ATAD3B: variants seen among roughly 807,000 people sequenced by gnomAD.
ATAD3B encodes the protein ATPase family AAA domain containing 3B.
A neutral mutation model predicts 70.2 loss-of-function variants in ATAD3B; 59 were observed. That is an observed-to-expected ratio of 0.84 (90% confidence interval 0.68 to 1.04). ATAD3B has a LOEUF of 1.04. Among genes scored for constraint, ATAD3B ranks in the 50% least tolerant of loss-of-function variants. The pLI, the probability that ATAD3B is intolerant of heterozygous loss-of-function variation, is 0.00. For missense variants in ATAD3B, 961 were observed against 913.4 expected, an observed-to-expected ratio of 1.05 and a Z score of -0.67; for synonymous variants, 423 against 388.6, an observed-to-expected ratio of 1.09 and a Z score of -1.04.
the ATAD3B span, among the ~76,000 whole-genome samples, chr1:1,508,259 C>A: frequency 1.3e-5 from 2 of 151,324 alleles, no homozygotes; most frequent in East Asian, 3.9e-4. Flanking sequence ...GGTCCAGCTC[C>A]GGTCAGTGTC....
the ATAD3B span, chr1:1,503,667 T>C: frequency 1.2e-6 from 2 of 1,611,252 alleles, no homozygotes. Context: ...TCAAAGTGAG[T>C]GGGGCCGGTG....
chr1:1,501,859 T>G (rs1292730473), downstream of ATAD3B, among the ~76,000 whole-genome samples: 1 of 151,648 alleles, frequency 6.6e-6, no homozygotes, highest in Admixed American at 6.6e-5. Flanking sequence ...GGTAAGTTTT[T>G]TTTTGTTTTT....
downstream of ATAD3B, among the ~76,000 whole-genome samples, chr1:1,501,534 C>T (rs373499566): frequency 1.3e-5 from 2 of 152,048 alleles, no homozygotes; most frequent in South Asian, 2.1e-4. Context: ...GAATTACAGG[C>T]GTGAGCCACC....
rs374902720 is a variant in ATAD3B at position 1,482,118 on chromosome 1, G to T, written c.515-20G>T. 31 of 1,601,258 alleles carry T rather than the reference G, an allele frequency of 1.9e-5. No individual in the cohort carries two copies. In the South Asian group the frequency reaches 2.5e-4, roughly 13 times the overall value. ...GTGCTGCACTGCATGGTGCTGAGCT[G>T]CCCTGCCTCTCTGGGGCAGCCACCG... On this transcript the variant is annotated intron_variant, in intron 5 of 15. Coordinates refer to ENST00000673477, the MANE Select transcript of ATAD3B (RefSeq NM_031921.6).
chr1:1,472,867 C>T (rs1224252094), intron 1 of ATAD3B, among the ~76,000 whole-genome samples: 1 of 151,846 alleles, frequency 6.6e-6, no homozygotes. Context: ...ACAGTATCGC[C>T]CTGTCGCCGA....
chr1:1,490,480 G>A, intron 14 of ATAD3B, 56 bp downstream of exon 14: 1 of 1,610,968 alleles, frequency 6.2e-7, no homozygotes, highest in Non-Finnish European at 8.5e-7. Context: ...CATGGGTGTA[G>A]GCCAGCTGCC....
In ATAD3B at chr1:1,485,674, C is replaced by T. The variant is rs1640168825; in HGVS notation, c.907-108C>T. ...CAGCTCCGGGCCGGTCCTGGCTGTG[C>T]TTTGGGGCAGCTCCGTTTCTGTGTG... On this transcript the variant is annotated intron_variant, in intron 8 of 15. Coordinates refer to ENST00000673477, the MANE Select transcript of ATAD3B (RefSeq NM_031921.6). 11 of 1,527,162 alleles carry T rather than the reference C, an allele frequency of 7.2e-6. No individual in the cohort carries two copies. In the South Asian group the frequency reaches 1.2e-4, roughly 16 times the overall value. 94.6% of individuals were successfully genotyped at this position (1,527,162 alleles called of 1,614,324 possible). A position where few individuals can be genotyped will look rare whatever the true frequency, so the allele number is the denominator to read the frequency against.
At chr1:1,495,131 C>A (rs1330073787) in intron 15 of ATAD3B, among the ~76,000 whole-genome samples, 1 of 152,142 alleles carries the variant, frequency 6.6e-6, no homozygotes, top group Admixed American at 6.6e-5. Flanking sequence ...CACTATGACC[C>A]GGGGGCACTG....
In ATAD3B at chr1:1,487,890, C is replaced by T. The variant is rs759328778; in HGVS notation, c.1242C>T (p.Asp414=). The T allele has an allele frequency of 8.7e-5, 140 of 1,612,856 alleles. 1 individual carries two copies. Among genetic ancestry groups the T allele is most frequent in the Non-Finnish European group, 1.1e-4 (124 of 1,179,476 alleles). The part of the protein sequence containing the change: ...RGLLLFMDEA[D]AFLRKRATEE... ...TCCTGCTCTTCATGGATGAAGCAGA[C>T]GCCTTCCTTCGGAAGCGAGCCACTG... is the stretch of plus-strand genomic sequence containing the variant. Residue 414 remains aspartate (D), a synonymous_variant, in exon 12 of 16, where the codon GAC becomes GAT. Coordinates refer to ENST00000673477, the MANE Select transcript of ATAD3B (RefSeq NM_031921.6).
the ATAD3B span, among the ~76,000 whole-genome samples, chr1:1,505,018 A>G: frequency 6.6e-6 from 1 of 152,176 alleles, no homozygotes; most frequent in Non-Finnish European, 1.5e-5. Context: ...GTGCAGAGAC[A>G]AGAGAGTGTA....
chr1:1,504,057 G>T, the ATAD3B span, among the ~76,000 whole-genome samples: 2 of 151,736 alleles, frequency 1.3e-5, no homozygotes, highest in Non-Finnish European at 2.9e-5. Flanking sequence ...GTGCGTTCTC[G>T]GCTCACTGCA....
chr1:1,481,635 C>T (rs550686716), intron 5 of ATAD3B, among the ~76,000 whole-genome samples: 20 of 130,092 alleles, frequency 1.5e-4, no homozygotes, highest in South Asian at 5.7e-4. Context: ...TAGCCAGGCA[C>T]GTGGCACGTC....
rs997467688 is a variant in ATAD3B, at chr1:1,471,854, C to G, written c.-31C>G. On this transcript the variant is annotated 5_prime_UTR_variant, in exon 1 of 16. Transcript: ENST00000673477. ...CCGAGTCAGACTCGGGTGGGGGTCC[C>G]GGCGGCGGTAGCGGCGGCGGCGGTG... 7 of 1,254,448 alleles carry G rather than the reference C, an allele frequency of 5.6e-6. No homozygotes were observed. Among genetic ancestry groups the G allele is most frequent in the Non-Finnish European group, 7.1e-6 (7 of 988,932 alleles). 77.7% of individuals were successfully genotyped at this position (1,254,448 alleles called of 1,614,324 possible). A position where few individuals can be genotyped will look rare whatever the true frequency, so the allele number is the denominator to read the frequency against.
intron 9 of ATAD3B, 68 bp downstream of exon 9, chr1:1,485,906 C>G (rs1640186320): frequency 1.2e-6 from 2 of 1,610,246 alleles, no homozygotes; most frequent in Non-Finnish European, 8.5e-7. Flanking sequence ...GGGCTGTGGC[C>G]CTTGCTAGCG....
chr1:1,471,981 G>T lies in ATAD3B; in HGVS notation c.97G>T (p.Gly33Trp). 1.6e-6 allele frequency: 2 copies of T among 1,241,222 alleles called. No individual in the cohort carries two copies. The highest frequency in any genetic ancestry group is 2.0e-6 in the Non-Finnish European group (2 of 989,056). 76.9% of individuals were successfully genotyped at this position (1,241,222 alleles called of 1,614,324 possible). ...PPAQPGAEGG[G>W]DRGLGDRPAP... The stretch of plus-strand genomic sequence containing the variant: ...CGCGCAGCCCGGGGCCGAGGGCGGC[G>T]GGGACCGCGGTTTGGGAGACCGGCC... Residue 33 changes from glycine (G) to tryptophan (W), a missense_variant, in exon 1 of 16, where the codon GGG becomes TGG. This residue lies in a region of ATAD3B where 187 missense variants were observed against 244.3 expected (regional missense o/e 0.77). Transcript: ENST00000673477.
intron 3 of ATAD3B, 129 bp from the exon 4 acceptor site, chr1:1,478,920 G>A (rs1320586553): frequency 2.0e-5 from 14 of 697,370 alleles, no homozygotes; most frequent in South Asian, 3.8e-5. Flanking sequence ...TGAGCCGGAC[G>A]GGAGGTCCCC....
At position 1,495,584 on chromosome 1, in the gene ATAD3B, C is replaced by T. The variant is rs1640744516; in HGVS notation, c.1714C>T (p.Leu572=). ...VQQYRQKMRW[L]KAEGPGRGVE... ...GCAGTACCGACAGAAGATGCGCTGG[C>T]TGAAGGCGGAGGGGCCTGGGCGCGG... Residue 572 remains leucine (L), a synonymous_variant, in exon 16 of 16, where the codon CTG becomes TTG. Transcript: ENST00000673477. 1 of 1,613,242 alleles carries T rather than the reference C, an allele frequency of 6.2e-7. No individual in the cohort carries two copies.
chr1:1,505,858 A>G, the ATAD3B span, among the ~76,000 whole-genome samples: 2 of 152,178 alleles, frequency 1.3e-5, no homozygotes, highest in Admixed American at 1.3e-4. Context: ...TCTAAGATCT[A>G]TATCTGGTAT....
intron 1 of ATAD3B, among the ~76,000 whole-genome samples, chr1:1,475,511 G>C (rs909949237): frequency 6.6e-6 from 1 of 151,916 alleles, no homozygotes; most frequent in Non-Finnish European, 1.5e-5. Context: ...CAAACGGGCG[G>C]CTCCTCCTCA....
Sources: allele counts gnomAD v4.1 joint callset (sites outside exome capture counted in the v4.1 genomes callset), GRCh38; gene constraint gnomAD v4.1.1; regional missense constraint gnomAD v4.1.1; transcripts MANE v1.5; gene names NCBI Gene and HGNC (gene_info 2026-07-23, HGNC 2026-07-21).